The following TPGS2 variants were observed in gnomAD, a reference collection of about 807,000 sequenced individuals.
The protein encoded by TPGS2 is tubulin polyglutamylase complex subunit 2.
Under a neutral mutation model 31.1 loss-of-function variants are expected in TPGS2, and 26 were observed. The observed-to-expected ratio is 0.84, with a 90% CI of 0.61 to 1.16. TPGS2 has a LOEUF of 1.16. TPGS2 is among the 50% of genes most tolerant of loss of function. TPGS2 has a pLI of 0.00. For missense variants in TPGS2, 351 were observed against 363.8 expected, an observed-to-expected ratio of 0.96 and a Z score of 0.29; for synonymous variants, 130 against 136.6, an observed-to-expected ratio of 0.95 and a Z score of 0.34.
At chr18:36,817,841 G>C (rs1318129729) in intron 2 of TPGS2, 1 of 152,190 alleles carries the variant, frequency 6.6e-6, no homozygotes, top group Admixed American at 6.5e-5. Context: ...GACTTATGGG[G>C]TAAGTGTTAG....
In TPGS2 at chr18:36,805,355, A is replaced by G; in HGVS notation, c.382+19T>C. 6.2e-7 allele frequency: 1 copy of G among 1,613,018 alleles called. No homozygotes were observed. Among genetic ancestry groups the G allele is most frequent in the East Asian group, 2.2e-5 (1 of 44,866 alleles). On this transcript the variant is annotated intron_variant, in intron 4 of 6. Coordinates refer to ENST00000334295, the MANE Select transcript of TPGS2 (RefSeq NM_015476.4). Reference sequence around the variant, plus strand: ...GCTGGATGCTGGAAACAAAGATACCAACCTTGGTATCTTCCTACCTTCATG... The same window carrying G: ...GCTGGATGCTGGAAACAAAGATACCGACCTTGGTATCTTCCTACCTTCATG...
intron 5 of TPGS2, among the ~76,000 whole-genome samples, chr18:36,799,416 A>T (rs2044694489): frequency 6.6e-6 from 1 of 152,160 alleles, no homozygotes; most frequent in South Asian, 2.1e-4. Context: ...GGCCCACTGA[A>T]TTGGAATTGT....
intron 4 of TPGS2, among the ~76,000 whole-genome samples, chr18:36,802,140 G>T (rs1406640694): frequency 6.6e-6 from 1 of 152,148 alleles, no homozygotes; most frequent in Non-Finnish European, 1.5e-5. Context: ...TATATATTTT[G>T]TCTGTTGTTT....
chr18:36,805,506 G>C lies in TPGS2; in HGVS notation c.254-4C>G. 6.2e-7 allele frequency: 1 copy of C among 1,614,012 alleles called. No individual in the cohort carries two copies. Among genetic ancestry groups the C allele is most frequent in the Non-Finnish European group, 8.5e-7 (1 of 1,179,924 alleles). On this transcript the variant is annotated splice_region_variant and splice_polypyrimidine_tract_variant and intron_variant, in intron 3 of 6. Coordinates refer to ENST00000334295, the MANE Select transcript of TPGS2 (RefSeq NM_015476.4). ...CTTCCCAGTGGAATGATGTGCTCTAGGGGAACATGCGTTAAGGAGAATTAC... is the reference window on the plus strand; with the variant it reads ...CTTCCCAGTGGAATGATGTGCTCTACGGGAACATGCGTTAAGGAGAATTAC...
chr18:36,826,057 G>C (rs954191562), intron 1 of TPGS2, among the ~76,000 whole-genome samples: 1 of 151,696 alleles, frequency 6.6e-6, no homozygotes, highest in Non-Finnish European at 1.5e-5. Context: ...TTTTTTTTGA[G>C]ATAGGGTCTC....
At chr18:36,798,706 T>A in intron 5 of TPGS2, 97 bp from the exon 6 acceptor site, 1 of 1,476,318 alleles carries the variant, frequency 6.8e-7, no homozygotes, top group East Asian at 2.3e-5. Flanking sequence ...TAAAAAAAAA[T>A]CCCAACAGAG....
chr18:36,792,347 G>T (rs531697990), downstream of TPGS2, among the ~76,000 whole-genome samples: 2 of 152,210 alleles, frequency 1.3e-5, no homozygotes, highest in South Asian at 4.1e-4. Context: ...GACAATTGAT[G>T]AACCTGGATG....
In TPGS2 at chr18:36,795,141, A is replaced by C; in HGVS notation, c.*1664T>G. On this transcript the variant is annotated 3_prime_UTR_variant, in exon 7 of 7. Coordinates refer to ENST00000334295, the MANE Select transcript of TPGS2 (RefSeq NM_015476.4). ...GGCTATGGAAAGTGGTAGGTGGAGG[A>C]GATATCGAAGGCGCTTTCTCATGAA... is the stretch of plus-strand genomic sequence containing the variant. 5.1e-6 allele frequency: 5 copies of C among 985,398 alleles called. No individual in the cohort carries two copies. Among genetic ancestry groups the C allele is most frequent in the South Asian group, 4.7e-5 (1 of 21,274 alleles). The allele number at this position is 985,398 out of a possible 1,614,324, so 61.0% of individuals were successfully genotyped here.
At chr18:36,828,127 C>T (rs1444500408) in intron 1 of TPGS2, among the ~76,000 whole-genome samples, 1 of 151,714 alleles carries the variant, frequency 6.6e-6, no homozygotes, top group African/African-American at 2.4e-5. Flanking sequence ...GAGATCGCGC[C>T]ATTGCACTCC....
intron 4 of TPGS2, 103 bp downstream of exon 4, chr18:36,805,271 C>T: frequency 3.7e-6 from 5 of 1,362,336 alleles, no homozygotes; most frequent in Non-Finnish European, 4.1e-6. Flanking sequence ...GAGGTTTAAT[C>T]TTTAACATTC....
At chr18:36,803,744 T>A (rs547124116) in intron 4 of TPGS2, among the ~76,000 whole-genome samples, 3 of 152,238 alleles carry the variant, frequency 2.0e-5, no homozygotes, top group Non-Finnish European at 4.4e-5. Flanking sequence ...ATAAAATACA[T>A]ATACTCCTCT....
intron 6 of TPGS2, chr18:36,787,158 C>A (rs1322756571): frequency 1.1e-5 from 13 of 1,229,890 alleles, no homozygotes; most frequent in Non-Finnish European, 1.3e-5. Context: ...TAGCATGTTA[C>A]AGGTAGCACA....
intron 5 of TPGS2, among the ~76,000 whole-genome samples, chr18:36,798,911 G>A (rs1294985402): frequency 6.6e-6 from 1 of 152,188 alleles, no homozygotes; most frequent in Non-Finnish European, 1.5e-5. Flanking sequence ...CCTTTTCTGT[G>A]TGTCATAGCA....
At chr18:36,806,819 C>A (rs2045159907) in intron 3 of TPGS2, among the ~76,000 whole-genome samples, 1 of 131,472 alleles carries the variant, frequency 7.6e-6, no homozygotes, top group South Asian at 2.4e-4. Flanking sequence ...CCACTGTACT[C>A]CAGCTTGGGC....
intron 6 of TPGS2, among the ~76,000 whole-genome samples, chr18:36,785,552 G>A (rs1422935492): frequency 6.6e-6 from 1 of 152,162 alleles, no homozygotes; most frequent in Non-Finnish European, 1.5e-5. Flanking sequence ...TCTCGAGGGA[G>A]GGCCAAGCCC....
downstream of TPGS2, chr18:36,781,958 T>G (rs980690710): frequency 4.1e-6 from 4 of 982,078 alleles, no homozygotes; most frequent in Non-Finnish European, 4.8e-6. Context: ...TTAATAGTCA[T>G]TTTCCATATG....
intron 1 of TPGS2, among the ~76,000 whole-genome samples, chr18:36,822,847 C>T (rs909767120): frequency 6.6e-6 from 1 of 152,198 alleles, no homozygotes; most frequent in African/African-American, 2.4e-5. Context: ...GATTTTCCCA[C>T]CATGGCCTCC....
At chr18:36,812,004 C>A (rs947649634) in intron 2 of TPGS2, among the ~76,000 whole-genome samples, 1 of 152,184 alleles carries the variant, frequency 6.6e-6, no homozygotes, top group Non-Finnish European at 1.5e-5. Context: ...AAAATGTAAA[C>A]ACAAGTCCAA....
chr18:36,804,890 T>C (rs1568011371), intron 4 of TPGS2, among the ~76,000 whole-genome samples: 1 of 152,180 alleles, frequency 6.6e-6, no homozygotes, highest in Non-Finnish European at 1.5e-5. Context: ...TCTTTTTTCC[T>C]GACAGGAAAA....
Sources: allele counts gnomAD v4.1 joint callset (sites outside exome capture counted in the v4.1 genomes callset), GRCh38; gene constraint gnomAD v4.1.1; transcripts MANE v1.5; gene names NCBI Gene and HGNC (gene_info 2026-07-23, HGNC 2026-07-21).